ATP10A: variants seen among roughly 807,000 people sequenced by gnomAD.
ATP10A encodes the protein phospholipid-transporting ATPase VA.
A neutral mutation model predicts 147.8 loss-of-function variants in ATP10A; 111 were observed. That is an observed-to-expected ratio of 0.75 (90% CI 0.64 to 0.88). The LOEUF (loss-of-function observed/expected upper bound fraction) is 0.88. Ranked by LOEUF, ATP10A falls within the 40% of genes least tolerant of loss-of-function variation. ATP10A has a pLI of 0.00. For missense variants in ATP10A, 1,927 were observed against 1,959.0 expected (o/e 0.98, Z 0.31); for synonymous variants, 875 against 841.6 (o/e 1.04, Z -0.69).
intron 2 of ATP10A, among the ~76,000 whole-genome samples, chr15:25,778,013 A>G (rs1889705693): frequency 6.6e-6 from 1 of 151,958 alleles, no homozygotes; most frequent in Non-Finnish European, 1.5e-5. Flanking sequence ...CTTATAACCC[A>G]ATCCCCAACT....
chr15:25,854,842 G>C (rs973161128), intron 1 of ATP10A, among the ~76,000 whole-genome samples: 1 of 152,200 alleles, frequency 6.6e-6, no homozygotes, highest in African/African-American at 2.4e-5. Flanking sequence ...TGGATCATCT[G>C]AAGTCAGGAG....
At chr15:25,728,686 C>A (rs1902742982) in intron 3 of ATP10A, among the ~76,000 whole-genome samples, 1 of 152,208 alleles carries the variant, frequency 6.6e-6, no homozygotes, top group Admixed American at 6.5e-5. Context: ...TTATTAAGGA[C>A]AAACGATAAA....
intron 1 of ATP10A, among the ~76,000 whole-genome samples, chr15:25,812,010 T>A (rs906954545): frequency 1.3e-5 from 2 of 152,200 alleles, no homozygotes; most frequent in African/African-American, 4.8e-5. Context: ...GCTATGGCTC[T>A]CACCCAGCGC....
At chr15:25,706,906 C>T (rs548639733) in intron 12 of ATP10A, among the ~76,000 whole-genome samples, 48 of 152,290 alleles carry the variant, frequency 3.2e-4, no homozygotes, top group African/African-American at 1.1e-3. Context: ...TACTGTCTTC[C>T]GGGGAAGCCC....
intron 2 of ATP10A, among the ~76,000 whole-genome samples, chr15:25,743,952 C>T (rs1302793036): frequency 6.6e-6 from 1 of 152,084 alleles, no homozygotes; most frequent in Non-Finnish European, 1.5e-5. Context: ...TTTCTGCTTG[C>T]TATGTAGCAT....
At chr15:25,689,307 C>T (rs1899879389) in intron 15 of ATP10A, among the ~76,000 whole-genome samples, 1 of 152,218 alleles carries the variant, frequency 6.6e-6, no homozygotes, top group African/African-American at 2.4e-5. Context: ...TCCCAGTCAG[C>T]CTTGGCTCTA....
chr15:25,755,070 TC>T (rs1888346323), intron 2 of ATP10A, among the ~76,000 whole-genome samples: 2 of 152,174 alleles, frequency 1.3e-5, no homozygotes, highest in Admixed American at 1.3e-4. Flanking sequence ...AGGCTAACAC[TC>T]TGTCTGAACT....
At chr15:25,860,455 C>T (rs10873612) in intron 1 of ATP10A, among the ~76,000 whole-genome samples, 68,913 of 152,036 alleles carry the variant, frequency 0.45, 18,824 homozygotes, top group Admixed American at 0.59. Context: ...TCCTTCTATT[C>T]CCAGGGCCTG....
At chr15:25,733,929 G>A (rs550554822) in intron 3 of ATP10A, among the ~76,000 whole-genome samples, 13 of 152,342 alleles carry the variant, frequency 8.5e-5, no homozygotes, top group South Asian at 8.3e-4. Context: ...GAGAAGCCCC[G>A]GTGGGCCTGG....
intron 2 of ATP10A, among the ~76,000 whole-genome samples, chr15:25,765,830 T>G (rs1888989709): frequency 6.6e-6 from 1 of 152,214 alleles, no homozygotes; most frequent in Non-Finnish European, 1.5e-5. Context: ...AGCCTGCCTT[T>G]CAATGACAGC....
chr15:25,699,123 A>C (rs564391683), intron 13 of ATP10A, among the ~76,000 whole-genome samples: 1 of 152,230 alleles, frequency 6.6e-6, no homozygotes, highest in East Asian at 1.9e-4. Context: ...ACAAATAAGA[A>C]GACTAGCCAA....
intron 13 of ATP10A, among the ~76,000 whole-genome samples, chr15:25,699,327 C>A (rs771043721): frequency 6.6e-6 from 1 of 152,116 alleles, no homozygotes; most frequent in Non-Finnish European, 1.5e-5. Context: ...TGATTTTTGA[C>A]AAAGACGCTT....
At chr15:25,676,839 GT>G (rs765057894), downstream of ATP10A, among the ~76,000 whole-genome samples, 23 of 151,972 alleles carry the variant, frequency 1.5e-4, no homozygotes, top group Non-Finnish European at 3.2e-4. Flanking sequence ...AAGAATGCAT[GT>G]CTTGTCATAT....
intron 2 of ATP10A, among the ~76,000 whole-genome samples, chr15:25,739,880 C>A (rs1217649756): frequency 1.3e-5 from 2 of 152,206 alleles, no homozygotes; most frequent in African/African-American, 4.8e-5. Context: ...CAACAGAGAG[C>A]CCTCCAGCCC....
Position 25,700,126 on chromosome 15 carries a change from G to T in ATP10A, c.2760+1790C>A, listed in dbSNP as rs182523694. 1.5e-3 allele frequency among the ~76,000 whole-genome samples: 234 copies of T among 152,260 alleles called. 2 individuals carry two copies. The highest frequency in any genetic ancestry group is 5.4e-3 in the African/African-American group (224 of 41,552). On this transcript the variant is annotated intron_variant, in intron 13 of 20. Coordinates refer to ENST00000555815, the MANE Select transcript of ATP10A (RefSeq NM_024490.4). ...TATTTGAATGGAAAATAAGCACATG[G>T]AAAGATGTTCAACTTCATTAGACAC...
chr15:25,850,828 C>T (rs1232263344), intron 1 of ATP10A, among the ~76,000 whole-genome samples: 5 of 152,180 alleles, frequency 3.3e-5, no homozygotes, highest in Admixed American at 1.3e-4. Flanking sequence ...ACTTTTTAAA[C>T]TGTTATTAGA....
At chr15:25,800,987 G>A (rs1441123838) in intron 1 of ATP10A, among the ~76,000 whole-genome samples, 1 of 152,150 alleles carries the variant, frequency 6.6e-6, no homozygotes, top group Non-Finnish European at 1.5e-5. Flanking sequence ...ATGGGGTTTG[G>A]TAAGTCTGCT....
rs1338990626 is a variant in ATP10A at position 25,714,122 on chromosome 15, CTTG to C, written c.1893_1895del (p.Asn631del). The C allele has an allele frequency of 1.5e-5, 24 of 1,612,818 alleles. No homozygotes were observed. Among genetic ancestry groups the C allele is most frequent in the Non-Finnish European group, 2.0e-5 (24 of 1,180,050 alleles). On this transcript the variant is annotated inframe_deletion, in exon 10 of 21. Transcript: ENST00000555815. ...AGCTGGAGCCCAACTTGTGGCTGGA[CTTG>C]TTGGCGGCCAGGCTCCCGATGCTGC...
chr15:25,758,914 C>G (rs1204977421), intron 2 of ATP10A, among the ~76,000 whole-genome samples: 1 of 152,064 alleles, frequency 6.6e-6, no homozygotes, highest in Non-Finnish European at 1.5e-5. Flanking sequence ...CTGCTCCACC[C>G]TAACTCATTC....
Sources: gnomAD v4.1 joint callset for allele counts (sites outside exome capture counted in the v4.1 genomes callset) on GRCh38, gnomAD v4.1.1 for gene constraint, MANE v1.5 for transcripts, NCBI Gene and HGNC (gene_info 2026-07-23, HGNC 2026-07-21) for gene names.